The following ACSM2A variants were observed in gnomAD, a reference collection of about 807,000 sequenced individuals.
ACSM2A encodes acyl-coenzyme A synthetase ACSM2A, mitochondrial.
Under a neutral mutation model 76.6 loss-of-function variants are expected in ACSM2A, and 72 were observed. The ratio of observed to expected loss-of-function variants is 0.94; its 90% CI spans 0.78 to 1.14. ACSM2A has a LOEUF of 1.14. Ranked by LOEUF, ACSM2A falls within the 50% of genes most tolerant of loss-of-function variation. The pLI is 0.00. For missense variants in ACSM2A, 684 were observed against 708.5 expected, an observed-to-expected ratio of 0.97 and a Z score of 0.39; for synonymous variants, 249 against 255.9, an observed-to-expected ratio of 0.97 and a Z score of 0.26.
rs757676299 is a variant in ACSM2A, at chr16:20,460,075, G to A, written c.-8-32G>A. On this transcript the variant is annotated intron_variant, in intron 1 of 13. Transcript: ENST00000573854. ...ATCAGTAGAGCAATCTGTTAAAGAA[G>A]CTCTCACCTGTGTCTCTTCTTTCTT... 5 of 1,576,558 alleles carry A rather than the reference G, an allele frequency of 3.2e-6. No homozygotes were observed. The East Asian group carries it at 9.0e-5, about 28-fold the overall frequency.
intron 8 of ACSM2A, chr16:20,475,976 T>C (rs145344329): frequency 0.013 from 16,598 of 1,292,730 alleles, 138 homozygotes; most frequent in Non-Finnish European, 0.015. Flanking sequence ...GGAGATTACA[T>C]TCCAGTGAGA....
At position 20,478,605 on chromosome 16, in the gene ACSM2A, C is replaced by G; in HGVS notation, c.1209C>G (p.Pro403=). 6.2e-7 allele frequency: 1 copy of G among 1,613,936 alleles called. No individual in the cohort carries two copies. Among genetic ancestry groups the G allele is most frequent in the Admixed American group, 1.7e-5 (1 of 60,024 alleles). ...TAGATGATAAGGGCAACGTCCTGCC[C>G]CCCGGCACAGAAGGAGACATTGGCA... The part of the protein sequence containing the change: ...QIIDDKGNVL[P]PGTEGDIGIR... The change falls in exon 10 of 14, where the codon CCC becomes CCG. Residue 403 remains proline (P), a synonymous_variant. Transcript: ENST00000573854.
At chr16:20,452,743 G>C (rs1248373400) in intron 1 of ACSM2A, among the ~76,000 whole-genome samples, 1 of 149,788 alleles carries the variant, frequency 6.7e-6, no homozygotes, top group Non-Finnish European at 1.5e-5. Context: ...TTCTGGAGTT[G>C]GTGCCTTAAT....
chr16:20,479,229 A>G (rs2013946509), intron 10 of ACSM2A, among the ~76,000 whole-genome samples: 1 of 152,182 alleles, frequency 6.6e-6, no homozygotes, highest in Admixed American at 6.5e-5. Context: ...GAAAGTGGAC[A>G]GAGAAGACCC....
At chr16:20,468,049 C>T (rs1284591555) in intron 3 of ACSM2A, among the ~76,000 whole-genome samples, 1 of 152,058 alleles carries the variant, frequency 6.6e-6, no homozygotes, top group Non-Finnish European at 1.5e-5. Context: ...TAGAAACTAT[C>T]AGAGGCGACC....
At chr16:20,458,926 A>ATAC (rs1567357019) in intron 1 of ACSM2A, among the ~76,000 whole-genome samples, 3 of 61,634 alleles carry the variant, frequency 4.9e-5, no homozygotes, top group African/African-American at 2.7e-4. Flanking sequence ...ATATATATAT[A>ATAC]TATATACATA....
intron 9 of ACSM2A, 109 bp from the exon 10 acceptor site, chr16:20,478,467 T>G: frequency 7.7e-7 from 1 of 1,291,528 alleles, no homozygotes; most frequent in African/African-American, 1.5e-5. Flanking sequence ...GTTTTCAGTC[T>G]CCACTAGAGC....
chr16:20,471,791 C>T, intron 6 of ACSM2A, 102 bp downstream of exon 6: 2 of 1,536,998 alleles, frequency 1.3e-6, no homozygotes, highest in Non-Finnish European at 1.8e-6. Context: ...TTTTGCTAAA[C>T]CCCTGCCATG....
rs1261455053 is a variant in ACSM2A, at chr16:20,460,118, C to T, written c.4C>T (p.His2Tyr). Residue 2 changes from histidine to tyrosine, a missense_variant, in exon 2 of 14, where the codon CAT (histidine) becomes TAT (tyrosine). By Grantham distance (83) the His-to-Tyr change is moderately conservative. This residue lies in a region of ACSM2A where 519 missense variants were observed against 549.5 expected (regional missense o/e 0.94). Coordinates refer to ENST00000573854, the MANE Select transcript of ACSM2A (RefSeq NM_001308172.2). M[H>Y]WLRKVQGLCT... ...TCTTTCTTTTACAGGCCTGAATATGCATTGGCTGCGAAAAGTTCAGGGACT... is the reference window on the plus strand; with the variant it reads ...TCTTTCTTTTACAGGCCTGAATATGTATTGGCTGCGAAAAGTTCAGGGACT... The T allele has an allele frequency of 1.2e-6, 2 of 1,610,608 alleles. No homozygotes were observed.
chr16:20,470,690 CT>C (rs1356488002), intron 4 of ACSM2A: 1 of 417,034 alleles, frequency 2.4e-6, no homozygotes, highest in African/African-American at 2.1e-5. Context: ...CTCCTGTCCA[CT>C]TGGTGTCATG....
intron 1 of ACSM2A, among the ~76,000 whole-genome samples, chr16:20,456,710 CA>C (rs1376452798): frequency 6.7e-6 from 1 of 148,240 alleles, no homozygotes; most frequent in Non-Finnish European, 1.5e-5. Context: ...TGAAAGAGCA[CA>C]AATAGACAAT....
chr16:20,483,638 C>A (rs1256583602), intron 13 of ACSM2A, among the ~76,000 whole-genome samples: 2 of 116,558 alleles, frequency 1.7e-5, no homozygotes, highest in East Asian at 6.0e-4. Flanking sequence ...GAAAGACAAT[C>A]TAGCTTGATG....
At chr16:20,483,568 T>TAAA (rs1365960981) in intron 13 of ACSM2A, among the ~76,000 whole-genome samples, 3 of 5,142 alleles carry the variant, frequency 5.8e-4, no homozygotes, top group Non-Finnish European at 3.1e-3. Flanking sequence ...AGACTCTGTC[T>TAAA]CAAAAAAAAA....
At chr16:20,452,185 A>C (rs549580715) in intron 1 of ACSM2A, 1 of 152,066 alleles carries the variant, frequency 6.6e-6, no homozygotes, top group Admixed American at 6.6e-5. Flanking sequence ...TGTGTCTGTG[A>C]GGGTGTTGTC....
At position 20,483,331 on chromosome 16, in the gene ACSM2A, A is replaced by T. The variant is rs180888298; in HGVS notation, c.1629+154A>T. 2.2e-4 allele frequency among the ~76,000 whole-genome samples: 33 copies of T among 152,152 alleles called. 1 individual carries two copies. In the East Asian group the frequency reaches 5.6e-3, roughly 26 times the overall value. On this transcript the variant is annotated intron_variant, in intron 13 of 13. Transcript: ENST00000573854. Reference sequence around the variant, plus strand: ...ACGCCTGTAATCCCAGCACTTTGGGAGGCTGAGGCGGGTGGATCACCTGAG... The same window carrying T: ...ACGCCTGTAATCCCAGCACTTTGGGTGGCTGAGGCGGGTGGATCACCTGAG...
chr16:20,471,552 G>T lies in ACSM2A; in HGVS notation c.757G>T (p.Ala253Ser). 7.4e-6 allele frequency: 12 copies of T among 1,613,218 alleles called. No individual in the cohort carries two copies. The highest frequency in any genetic ancestry group is 9.3e-6 in the Non-Finnish European group (11 of 1,179,662). ...KMDAGWTGLQ[A>S]SDIMWTISDT... Reference sequence around the variant, plus strand: ...TGTTTTCAGTTGGACAGGCCTGCAAGCCTCTGATATAATGTGGACCATATC... The same window carrying T: ...TGTTTTCAGTTGGACAGGCCTGCAATCCTCTGATATAATGTGGACCATATC... Residue 253 changes from alanine (A) to serine (S), a missense_variant, in exon 6 of 14, where the codon GCC becomes TCC. Coordinates refer to ENST00000573854, the MANE Select transcript of ACSM2A (RefSeq NM_001308172.2).
chr16:20,454,105 T>C (rs1227462316), intron 1 of ACSM2A, among the ~76,000 whole-genome samples: 1 of 126,986 alleles, frequency 7.9e-6, no homozygotes, highest in African/African-American at 3.3e-5. Context: ...AAATCCCTAA[T>C]AAAAACTTGC....
rs901349057 is a variant in ACSM2A at position 20,477,366 on chromosome 16, C to T, written c.1099-3C>T. On this transcript the variant is annotated splice_region_variant and splice_polypyrimidine_tract_variant and intron_variant, in intron 8 of 13. Coordinates refer to ENST00000573854, the MANE Select transcript of ACSM2A (RefSeq NM_001308172.2). ...TTGCTGATCTGTCTGCTTCTTTCCACAGGGATTAACTTGCATGGTTTCCAA... is the reference window on the plus strand; with the variant it reads ...TTGCTGATCTGTCTGCTTCTTTCCATAGGGATTAACTTGCATGGTTTCCAA... 1.3e-6 allele frequency: 2 copies of T among 1,594,730 alleles called. No individual in the cohort carries two copies. Among genetic ancestry groups the T allele is most frequent in the Non-Finnish European group, 1.7e-6 (2 of 1,172,796 alleles).
intron 1 of ACSM2A, among the ~76,000 whole-genome samples, chr16:20,458,883 T>G (rs1183255137): frequency 1.5e-5 from 2 of 131,618 alleles, no homozygotes; most frequent in African/African-American, 2.7e-5. Flanking sequence ...AATACATACA[T>G]AGTATATATT....
Sources: allele counts gnomAD v4.1 joint callset (sites outside exome capture counted in the v4.1 genomes callset), GRCh38; gene constraint gnomAD v4.1.1; regional missense constraint gnomAD v4.1.1; transcripts MANE v1.5; gene names NCBI Gene and HGNC (gene_info 2026-07-23, HGNC 2026-07-21).